Variants in PDGFA observed in about 807,000 individuals in gnomAD.
The protein encoded by PDGFA is platelet-derived growth factor subunit A.
A neutral mutation model predicts 25.6 loss-of-function variants in PDGFA; 9 were observed. The ratio of observed to expected loss-of-function variants is 0.35; its 90% CI spans 0.21 to 0.61. The LOEUF is 0.61. Ranked by LOEUF, PDGFA falls within the 20% of genes least tolerant of loss-of-function variation. The pLI is 0.75. For missense variants in PDGFA, 242 were observed against 272.8 expected, an observed-to-expected ratio of 0.89 and a Z score of 0.79; for synonymous variants, 133 against 111.8, an observed-to-expected ratio of 1.19 and a Z score of -1.20.
intron 3 of PDGFA, 138 bp downstream of exon 3, chr7:512,213 G>A (rs1023490816): frequency 1.3e-6 from 1 of 767,054 alleles, no homozygotes. Context: ...AGGGAGGAGG[G>A]AACGGGTGGC....
At chr7:504,909 G>C (rs1243489006) in intron 4 of PDGFA, among the ~76,000 whole-genome samples, 1 of 152,194 alleles carries the variant, frequency 6.6e-6, no homozygotes, top group African/African-American at 2.4e-5. Context: ...GGGCTCCCAG[G>C]ACACAACAGA....
chr7:519,235 G>A (rs1279948692), exon 1 of PDGFA: 1 of 414,538 alleles, frequency 2.4e-6, no homozygotes, highest in Admixed American at 4.5e-5. Flanking sequence ...CCGCAGCGCG[G>A]GGAGCCTCCT....
intron 3 of PDGFA, among the ~76,000 whole-genome samples, chr7:511,975 C>G (rs140354797): frequency 0.014 from 2,182 of 152,340 alleles, 28 homozygotes; most frequent in South Asian, 0.046. Context: ...GATGCCCACA[C>G]TGCGAATTGG....
chr7:499,185 C>T (rs866701291), intron 5 of PDGFA, among the ~76,000 whole-genome samples: 4 of 152,226 alleles, frequency 2.6e-5, no homozygotes, highest in South Asian at 2.1e-4. Context: ...CAGAGCCTAA[C>T]GCTCTGTAGA....
chr7:503,167 G>C (rs569915433), intron 4 of PDGFA, among the ~76,000 whole-genome samples: 1 of 152,280 alleles, frequency 6.6e-6, no homozygotes, highest in African/African-American at 2.4e-5. Flanking sequence ...AACTAAGCCT[G>C]TCCCTAATTG....
intron 4 of PDGFA, among the ~76,000 whole-genome samples, chr7:509,883 G>A (rs570099352): frequency 6.6e-6 from 1 of 152,170 alleles, no homozygotes; most frequent in Non-Finnish European, 1.5e-5. Context: ...AAGAAAGAGG[G>A]GCTCACCCTG....
chr7:505,406 A>G (rs1317566750), intron 4 of PDGFA, among the ~76,000 whole-genome samples: 1 of 152,152 alleles, frequency 6.6e-6, no homozygotes, highest in Non-Finnish European at 1.5e-5. Context: ...ACCCAAGACT[A>G]CAACCCAGGG....
intron 2 of PDGFA, chr7:513,377 C>T (rs1334127962): frequency 6.6e-6 from 1 of 151,490 alleles, no homozygotes; most frequent in Non-Finnish European, 1.5e-5. Context: ...CAGGTCTCTC[C>T]AAATCCCGCA....
rs1449825515 is a variant in PDGFA at position 517,808 on chromosome 7, A to G, written c.64-318T>C. On this transcript the variant is annotated intron_variant, in intron 1 of 5. Coordinates refer to ENST00000402802, the Ensembl canonical transcript of PDGFA. The surrounding 1 kb of genome is among the most constrained non-coding windows in gnomAD (Gnocchi z 7.4). ...CCGGGGTGTCAGTTACAGAAGGTCT[A>G]GGGGGCAGCGAGGGGGCCGAAAGTT... Among the ~76,000 whole-genome samples the G allele has an allele frequency of 6.6e-6, 1 of 150,518 alleles. No homozygotes were observed. Among genetic ancestry groups the G allele is most frequent in the Non-Finnish European group, 1.5e-5 (1 of 67,740 alleles).
Position 517,273 on chromosome 7 carries a change from G to A in PDGFA, c.160+121C>T. ...CTCATCCGCCCGGGCGCTTATGGCT[G>A]GGGATTGGATTCTGACCTTTCGGTG... On this transcript the variant is annotated intron_variant, in intron 2 of 5. Transcript: ENST00000402802. This position sits in a 1 kb window ranked among gnomAD's most constrained non-coding sequence, Gnocchi z 7.4. 2 of 322,278 alleles carry A rather than the reference G, an allele frequency of 6.2e-6. No homozygotes were observed. The highest frequency in any genetic ancestry group is 1.1e-5 in the Non-Finnish European group (2 of 181,778). The allele number at this position is 322,278 out of a possible 1,614,324, so 20.0% of individuals were successfully genotyped here.
At chr7:512,083 G>T (rs1207006927) in intron 3 of PDGFA, among the ~76,000 whole-genome samples, 1 of 152,226 alleles carries the variant, frequency 6.6e-6, no homozygotes, top group Non-Finnish European at 1.5e-5. Flanking sequence ...TCTCCTGGAA[G>T]CTCTCTTGGC....
chr7:514,917 G>A (rs1783022551), intron 2 of PDGFA, among the ~76,000 whole-genome samples: 1 of 152,350 alleles, frequency 6.6e-6, no homozygotes, highest in Non-Finnish European at 1.5e-5. Context: ...CGGGAGGATG[G>A]TGAGGAATCC....
intron 2 of PDGFA, among the ~76,000 whole-genome samples, chr7:513,770 A>C (rs560535610): frequency 5.3e-5 from 8 of 152,034 alleles, no homozygotes; most frequent in African/African-American, 1.9e-4. Flanking sequence ...CTTCCTCCGC[A>C]CCCCCGAGGA....
At chr7:512,852 C>T (rs556768008) in intron 2 of PDGFA, 7 of 340,672 alleles carry the variant, frequency 2.1e-5, no homozygotes, top group South Asian at 4.9e-5. Context: ...TGCACCTCCC[C>T]GAGGGGCACA....
Position 517,519 on chromosome 7 carries a change from C to CCGCGGCCCCGACCCCGCCGGCA in PDGFA, c.64-51_64-30dup. On this transcript the variant is annotated intron_variant, in intron 1 of 5. Transcript: ENST00000402802. The surrounding 1 kb of genome is among the most constrained non-coding windows in gnomAD (Gnocchi z 7.4). ...CAAGCAGAGGCCACACGGTCAGCGC[C>CCGCGGCCCCGACCCCGCCGGCA]CGCGGCCCCGACCCCGCCGGCACGC... 9.0e-7 allele frequency: 1 copy of CCGCGGCCCCGACCCCGCCGGCA among 1,114,412 alleles called. No individual in the cohort carries two copies. The allele number at this position is 1,114,412 out of a possible 1,614,324, so 69.0% of individuals were successfully genotyped here.
At chr7:499,932 GT>G (rs1267627575) in intron 5 of PDGFA, among the ~76,000 whole-genome samples, 1 of 151,984 alleles carries the variant, frequency 6.6e-6, no homozygotes, top group African/African-American at 2.4e-5. Flanking sequence ...CTCAATCCCT[GT>G]GCTGTCTGGT....
intron 4 of PDGFA, among the ~76,000 whole-genome samples, chr7:509,789 G>C (rs1782717756): frequency 6.6e-6 from 1 of 152,174 alleles, no homozygotes; most frequent in African/African-American, 2.4e-5. Flanking sequence ...AGAACTTTGA[G>C]AAATACATTT....
chr7:509,628 T>C (rs1277970207), intron 4 of PDGFA, among the ~76,000 whole-genome samples: 1 of 152,088 alleles, frequency 6.6e-6, no homozygotes, highest in Non-Finnish European at 1.5e-5. Context: ...TGAATGGAAT[T>C]AGTGCCCTTC....
chr7:516,007 C>CCA (rs1401017540), intron 2 of PDGFA, among the ~76,000 whole-genome samples: 1 of 114,562 alleles, frequency 8.7e-6, no homozygotes, highest in Non-Finnish European at 1.8e-5. Flanking sequence ...CACCCCCCCC[C>CCA]AGAAAAAGCC....
Sources: gnomAD v4.1 joint callset for allele counts (sites outside exome capture counted in the v4.1 genomes callset) on GRCh38, gnomAD v4.1.1 for gene constraint, Gnocchi (gnomAD v3.1) non-coding constraint, MANE v1.5 for transcripts, NCBI Gene and HGNC (gene_info 2026-07-23, HGNC 2026-07-21) for gene names.